COA1: variants seen among roughly 807,000 people sequenced by gnomAD.
COA1 encodes cytochrome c oxidase assembly factor 1, also known as cytochrome c oxidase assembly factor 1 homolog.
Under a neutral mutation model 16.0 loss-of-function variants are expected in COA1, and 13 were observed. That is an observed-to-expected ratio of 0.81 (90% CI 0.53 to 1.29). COA1 has a LOEUF of 1.29. Ranked by LOEUF, COA1 falls within the 50% of genes most tolerant of loss-of-function variation. COA1 has a pLI of 0.00. For synonymous variants in COA1, 65 were observed against 65.7 expected (o/e 0.99, Z 0.05); for missense variants, 179 against 177.0 (o/e 1.01, Z -0.06).
intron 1 of COA1, among the ~76,000 whole-genome samples, chr7:43,691,281 G>GAAAAGA (rs1224437896): frequency 6.1e-4 from 21 of 34,616 alleles, no homozygotes; most frequent in African/African-American, 1.3e-3. Context: ...AAGAAAGAAA[G>GAAAAGA]AAAGAAAGAA....
intron 1 of COA1, among the ~76,000 whole-genome samples, chr7:43,708,277 TAGTG>T (rs1276010022): frequency 6.6e-6 from 1 of 152,114 alleles, no homozygotes; most frequent in African/African-American, 2.4e-5. Flanking sequence ...CTGGGCAACA[TAGTG>T]AGAACTCATC....
chr7:43,705,391 G>A (rs1469682675), intron 1 of COA1, among the ~76,000 whole-genome samples: 1 of 152,236 alleles, frequency 6.6e-6, no homozygotes, highest in Non-Finnish European at 1.5e-5. Flanking sequence ...ATTGGCAGGG[G>A]TCTGGGTCCA....
At chr7:43,652,229 C>A (rs552416393) in intron 1 of COA1, among the ~76,000 whole-genome samples, 1 of 152,244 alleles carries the variant, frequency 6.6e-6, no homozygotes, top group Middle Eastern at 3.4e-3. Context: ...ATGTGACATT[C>A]CCAGCAGACC....
At chr7:43,619,845 A>G in intron 6 of COA1, 5 of 1,292,156 alleles carry the variant, frequency 3.9e-6, no homozygotes, top group Non-Finnish European at 5.3e-6. Context: ...CTACCATCAG[A>G]GATCTATTCC....
chr7:43,644,801 G>GACAGAGAGAGAGAGAT (rs2088672739), intron 4 of COA1, among the ~76,000 whole-genome samples: 1 of 131,060 alleles, frequency 7.6e-6, no homozygotes, highest in Non-Finnish European at 1.6e-5. Context: ...CAGAGAGACA[G>GACAGAGAGAGAGAGAT]AGAGAGAGAG....
intron 1 of COA1, among the ~76,000 whole-genome samples, chr7:43,728,142 T>G (rs1284964927): frequency 6.6e-6 from 1 of 151,978 alleles, no homozygotes; most frequent in Non-Finnish European, 1.5e-5. Flanking sequence ...GCCCGGCTAA[T>G]TTTTTGTATT....
chr7:43,653,041 T>C lies in COA1; in HGVS notation c.-38-4389A>G, dbSNP rs78397203. ...CTTTGGCATTTAAGAAAAAGAAGTATGTGGCTCACACCTGTAATCCCAGCA... is the reference window on the plus strand; with the variant it reads ...CTTTGGCATTTAAGAAAAAGAAGTACGTGGCTCACACCTGTAATCCCAGCA... On this transcript the variant is annotated intron_variant, in intron 1 of 5. Coordinates refer to ENST00000223336, the MANE Select transcript of COA1 (RefSeq NM_018224.4). 6.5e-3 allele frequency among the ~76,000 whole-genome samples: 982 copies of C among 152,204 alleles called. 53 individuals are homozygous for C. The East Asian group carries it at 0.14, about 22-fold the overall frequency.
intron 1 of COA1, among the ~76,000 whole-genome samples, chr7:43,695,969 AATG>A (rs773187093): frequency 1.1e-4 from 17 of 152,188 alleles, no homozygotes; most frequent in Non-Finnish European, 1.9e-4. Flanking sequence ...ATACCCGAGG[AATG>A]GGCAAATTTA....
chr7:43,673,636 T>G (rs375038886), intron 1 of COA1, among the ~76,000 whole-genome samples: 33 of 152,180 alleles, frequency 2.2e-4, no homozygotes, highest in African/African-American at 8.0e-4. Flanking sequence ...AGCAATCTCA[T>G]TATTGCGTAT....
intron 1 of COA1, among the ~76,000 whole-genome samples, chr7:43,670,208 G>A (rs1412825979): frequency 2.6e-5 from 4 of 152,140 alleles, no homozygotes; most frequent in Non-Finnish European, 5.9e-5. Flanking sequence ...CAGCACTTTG[G>A]GAGGCCGAGG....
chr7:43,626,334 A>C (rs1047348771), intron 6 of COA1: 1 of 152,244 alleles, frequency 6.6e-6, no homozygotes, highest in Non-Finnish European at 1.5e-5. Context: ...AGACATATAC[A>C]AAGTCAGTAA....
chr7:43,695,637 G>A (rs944036774), intron 1 of COA1, among the ~76,000 whole-genome samples: 3 of 151,860 alleles, frequency 2.0e-5, no homozygotes, highest in African/African-American at 4.8e-5. Flanking sequence ...TTAATACTAC[G>A]GCAAATACAA....
In COA1 at chr7:43,647,736, A is replaced by G. The variant is rs2153096229; in HGVS notation, c.16-102T>C. 4 of 858,928 alleles carry G rather than the reference A, an allele frequency of 4.7e-6. No homozygotes were observed. In the South Asian group the frequency reaches 6.7e-5, roughly 14 times the overall value. 53.2% of individuals were successfully genotyped at this position (858,928 alleles called of 1,614,324 possible). A position where few individuals can be genotyped will look rare whatever the true frequency, so the allele number is the denominator to read the frequency against. On this transcript the variant is annotated intron_variant, in intron 2 of 5. Coordinates refer to ENST00000223336, the MANE Select transcript of COA1 (RefSeq NM_018224.4). ...AAAGGAAAGAAGCATTAAGGAAGCC[A>G]GAAAGGAGGCCAGACCGCCCTCCCT...
In COA1 at chr7:43,700,547, T is replaced by C. The variant is rs865804820; in HGVS notation, c.-39+28882A>G. On this transcript the variant is annotated intron_variant, in intron 1 of 5. Transcript: ENST00000223336. ...GTAGGCAGATATATATATATATATA[T>C]ACATACACGTATATATATGTACACA... Among the ~76,000 whole-genome samples the C allele has an allele frequency of 3.0e-4, 45 of 150,162 alleles. No homozygotes were observed. In the Middle Eastern group the frequency reaches 0.01, roughly 35 times the overall value.
intron 1 of COA1, among the ~76,000 whole-genome samples, chr7:43,710,372 A>T (rs2095186239): frequency 8.9e-6 from 1 of 112,634 alleles, no homozygotes; most frequent in Admixed American, 9.2e-5. Context: ...AAAAAAAAAA[A>T]AAAATATATA....
chr7:43,608,609 A>G, exon 7 of COA1: 1 of 436,616 alleles, frequency 2.3e-6, no homozygotes, highest in Non-Finnish European at 3.9e-6. Flanking sequence ...ACAAAATAAT[A>G]CAATGCCAAA....
intron 6 of COA1, among the ~76,000 whole-genome samples, chr7:43,611,185 C>T (rs1175464874): frequency 6.6e-6 from 1 of 152,128 alleles, no homozygotes; most frequent in Non-Finnish European, 1.5e-5. Context: ...TTGATAATGT[C>T]CCATTTGAAT....
chr7:43,628,584 GGTT>G (rs1291845013), intron 6 of COA1, among the ~76,000 whole-genome samples: 1 of 152,112 alleles, frequency 6.6e-6, no homozygotes. Flanking sequence ...ATTGTACTCT[GGTT>G]GTTTTTTACA....
At chr7:43,665,959 T>A (rs1376685673) in intron 1 of COA1, among the ~76,000 whole-genome samples, 1 of 152,198 alleles carries the variant, frequency 6.6e-6, no homozygotes, top group Non-Finnish European at 1.5e-5. Flanking sequence ...TTCTTTTGCC[T>A]TTTTGTTCTT....
Sources: gnomAD v4.1 joint callset for allele counts (sites outside exome capture counted in the v4.1 genomes callset) on GRCh38, gnomAD v4.1.1 for gene constraint, MANE v1.5 for transcripts, NCBI Gene and HGNC (gene_info 2026-07-23, HGNC 2026-07-21) for gene names.